Variants in PM20D2 observed in about 807,000 individuals in gnomAD.
PM20D2 encodes peptidase M20 domain containing 2.
A neutral mutation model predicts 42.9 loss-of-function variants in PM20D2; 33 were observed. The observed-to-expected ratio is 0.77, with a 90% CI of 0.58 to 1.03. PM20D2 has a LOEUF of 1.03. PM20D2 is among the 50% of genes least tolerant of loss of function. The pLI, the probability that PM20D2 is intolerant of heterozygous loss-of-function variation, is 0.00. For missense variants in PM20D2, 548 were observed against 557.0 expected, an observed-to-expected ratio of 0.98 and a Z score of 0.16; for synonymous variants, 250 against 228.2, an observed-to-expected ratio of 1.10 and a Z score of -0.86.
At chr6:89,096,912 G>T in the PM20D2 span, 5 of 152,148 alleles carry the variant, frequency 3.3e-5, no homozygotes, top group African/African-American at 1.2e-4. Context: ...TAGATTTTCA[G>T]TAGTGCCACA....
rs751362290 is a variant in PM20D2 at position 89,153,109 on chromosome 6, A to G, written c.681A>G (p.Ala227=). ...SASYPWEGLN[A]LDAAVLAYNN... The stretch of plus-strand genomic sequence containing the variant: ...CTTATCCCTGGGAAGGATTAAATGC[A>G]TTAGATGCTGCTGTGCTGGCCTATA... The change falls in exon 3 of 7, where the codon GCA becomes GCG. Residue 227 remains alanine, a synonymous_variant. Coordinates refer to ENST00000275072, the MANE Select transcript of PM20D2 (RefSeq NM_001010853.3). The G allele has an allele frequency of 5.0e-6, 8 of 1,612,184 alleles. 1 individual carries two copies. In the South Asian group the frequency reaches 6.6e-5, roughly 13 times the overall value.
the PM20D2 span, among the ~76,000 whole-genome samples, chr6:89,121,068 G>A: frequency 6.6e-6 from 1 of 151,848 alleles, no homozygotes; most frequent in Non-Finnish European, 1.5e-5. Context: ...TTTGAAAAAA[G>A]CTTTTGTAGG....
At chr6:89,160,124 G>A (rs1434499710) in intron 5 of PM20D2, among the ~76,000 whole-genome samples, 1 of 152,042 alleles carries the variant, frequency 6.6e-6, no homozygotes, top group Admixed American at 6.6e-5. Flanking sequence ...AAACACTGGA[G>A]AGGCTTTTTC....
Position 89,154,898 on chromosome 6 carries a change from G to A in PM20D2, c.908G>A (p.Cys303Tyr), listed in dbSNP as rs993774350. 3 of 1,585,918 alleles carry A rather than the reference G, an allele frequency of 1.9e-6. No homozygotes were observed. The highest frequency in any genetic ancestry group is 1.9e-5 in the Admixed American group (1 of 53,696). Residue 303 changes from cysteine to tyrosine, a missense_variant, in exon 4 of 7, where the codon TGC (cysteine) becomes TAC (tyrosine). Around this residue, in one of 3 missense-constraint regions of PM20D2, gnomAD observed 470 missense variants for 464.4 expected, o/e 1.01. Transcript: ENST00000275072. ...CFRAAALASGCTVEIKGGAHD... is the reference protein window; with the variant it reads ...CFRAAALASGYTVEIKGGAHD... ...AGAGCTGCAGCTTTGGCTTCAGGGT[G>A]CACAGTAAGAACTTTTAAAAGTTAA... is the stretch of plus-strand genomic sequence containing the variant.
Position 89,162,236 on chromosome 6 carries a change from A to C in PM20D2, c.1284A>C (p.Glu428Asp). The change falls in exon 7 of 7, where the codon GAA becomes GAC. Residue 428 changes from glutamate to aspartate, a missense_variant. Glu to Asp is a conservative substitution (Grantham distance 45). This residue lies in a region of PM20D2 where 71 missense variants were observed against 69.7 expected (regional missense o/e 1.02). Coordinates refer to ENST00000275072, the MANE Select transcript of PM20D2 (RefSeq NM_001010853.3). Reference protein sequence around the residue: ...IREDFKLKLQEEQFVNAVE With the variant: ...IREDFKLKLQDEQFVNAVE ...AGGACTTTAAACTGAAACTTCAAGA[A>C]GAACAGTTTGTAAATGCAGTAGAAT... 6.2e-7 allele frequency: 1 copy of C among 1,613,908 alleles called. No homozygotes were observed. The highest frequency in any genetic ancestry group is 8.5e-7 in the Non-Finnish European group (1 of 1,179,894).
the PM20D2 span, chr6:89,105,053 CA>C: frequency 0.71 from 1,027,711 of 1,455,750 alleles, 366,185 homozygotes; most frequent in East Asian, 0.78. Context: ...GAGACCCTAT[CA>C]AAAAAATATA....
intron 1 of PM20D2, among the ~76,000 whole-genome samples, chr6:89,147,164 A>G (rs1053308261): frequency 1.3e-5 from 2 of 152,222 alleles, no homozygotes; most frequent in Non-Finnish European, 2.9e-5. Context: ...GTGAATGAGC[A>G]TTATACATAG....
chr6:89,144,416 A>C (rs1770451397), upstream of PM20D2, among the ~76,000 whole-genome samples: 1 of 152,194 alleles, frequency 6.6e-6, no homozygotes, highest in Non-Finnish European at 1.5e-5. Flanking sequence ...TTCTGATTTG[A>C]ATAGATAAAC....
the PM20D2 span, among the ~76,000 whole-genome samples, chr6:89,095,523 TACA>T: frequency 6.6e-6 from 1 of 152,232 alleles, no homozygotes; most frequent in Non-Finnish European, 1.5e-5. Context: ...AAAGTATTTC[TACA>T]TACCTTTAAA....
rs772597335 is a variant in PM20D2, at chr6:89,158,389, C to T, written c.977C>T (p.Ala326Val). 3.7e-6 allele frequency: 6 copies of T among 1,611,824 alleles called. No homozygotes were observed. In the Admixed American group the frequency reaches 1.0e-4, roughly 27 times the overall value. The change falls in exon 5 of 7, where the codon GCC becomes GTC. Residue 326 changes from alanine to valine, a missense_variant. Physicochemically the swap from Ala to Val is moderately conservative, Grantham distance 64 (BLOSUM62 0). This residue lies in a region of PM20D2 where 470 missense variants were observed against 464.4 expected (regional missense o/e 1.01). Coordinates refer to ENST00000275072, the MANE Select transcript of PM20D2 (RefSeq NM_001010853.3). ...CTTCCCAATAAGAGCCTATGGAAAG[C>T]CTATATGGAAAATGGAAGAAAGCTA... is the stretch of plus-strand genomic sequence containing the variant. ...NVLPNKSLWK[A>V]YMENGRKLGI...
the PM20D2 span, among the ~76,000 whole-genome samples, chr6:89,111,336 A>T: frequency 1.3e-5 from 2 of 152,134 alleles, no homozygotes; most frequent in Non-Finnish European, 2.9e-5. Flanking sequence ...TCTTGAAAAT[A>T]TGTTGTAGTT....
chr6:89,114,636 A>AAATC, the PM20D2 span, among the ~76,000 whole-genome samples: 6 of 152,048 alleles, frequency 3.9e-5, no homozygotes, highest in African/African-American at 1.4e-4. Context: ...ATGGAAAAGG[A>AAATC]AATCAGTCAA....
At chr6:89,096,469 A>G in the PM20D2 span, 1 of 152,360 alleles carries the variant, frequency 6.6e-6, no homozygotes, top group East Asian at 1.9e-4. Flanking sequence ...TGCTCAAAAG[A>G]GTTTGAGCTA....
rs1562263066 is a variant in PM20D2, at chr6:89,161,678, G to C, written c.1049-105G>C. ...GAGCATACGGACAACTCTCCAAGAA[G>C]CTCACTTCTCTGCGTCTCTTCTAAC... On this transcript the variant is annotated intron_variant, in intron 5 of 6. Transcript: ENST00000275072. 4 of 842,164 alleles carry C rather than the reference G, an allele frequency of 4.7e-6. No homozygotes were observed. In the South Asian group the frequency reaches 4.8e-5, roughly 10 times the overall value. The allele number at this position is 842,164 out of a possible 1,614,324, so 52.2% of individuals were successfully genotyped here. A position where few individuals can be genotyped will look rare whatever the true frequency, so the allele number is the denominator to read the frequency against.
the PM20D2 span, among the ~76,000 whole-genome samples, chr6:89,126,452 G>A: frequency 1.0e-3 from 155 of 151,976 alleles, 1 homozygote; most frequent in Non-Finnish European, 7.5e-4. Flanking sequence ...TTGGGAGACC[G>A]AGGCGGGTGG....
chr6:89,098,493 T>C, the PM20D2 span: 8 of 1,468,958 alleles, frequency 5.4e-6, no homozygotes, highest in Admixed American at 1.2e-4. Context: ...TCGCATTTTC[T>C]GTATGCCTTA....
At chr6:89,142,631 TTTTA>T (rs1770364631), upstream of PM20D2, among the ~76,000 whole-genome samples, 1 of 152,126 alleles carries the variant, frequency 6.6e-6, no homozygotes, top group Non-Finnish European at 1.5e-5. Context: ...TTTTTGCACT[TTTTA>T]TTCCTTTCCC....
chr6:89,150,293 C>CT (rs1212650274), intron 2 of PM20D2, among the ~76,000 whole-genome samples: 3 of 152,218 alleles, frequency 2.0e-5, no homozygotes, highest in Admixed American at 1.3e-4. Context: ...TAGGAGGAAT[C>CT]TTTGAACTTT....
chr6:89,095,275 G>C, the PM20D2 span, among the ~76,000 whole-genome samples: 1 of 152,166 alleles, frequency 6.6e-6, no homozygotes, highest in Non-Finnish European at 1.5e-5. Context: ...GCCCAGGCTT[G>C]AGTATAGTGA....
Sources: gnomAD v4.1 joint callset for allele counts (sites outside exome capture counted in the v4.1 genomes callset) on GRCh38, gnomAD v4.1.1 for gene constraint, gnomAD v4.1.1 regional missense constraint, MANE v1.5 for transcripts, NCBI Gene and HGNC (gene_info 2026-07-23, HGNC 2026-07-21) for gene names.